Variants in NPPB observed in about 807,000 individuals in gnomAD.
NPPB encodes natriuretic peptide B, also known as natriuretic peptides B.
A neutral mutation model predicts 12.7 loss-of-function variants in NPPB; 13 were observed. The ratio of observed to expected loss-of-function variants is 1.03; its 90% CI spans 0.67 to 1.63. NPPB has a LOEUF of 1.63. NPPB is among the 40% of genes most tolerant of loss of function. The pLI is 0.00. For missense variants in NPPB, 184 were observed against 172.9 expected, an observed-to-expected ratio of 1.06 and a Z score of -0.36; for synonymous variants, 66 against 74.7, an observed-to-expected ratio of 0.88 and a Z score of 0.60.
rs1645135330 is a variant in NPPB, at chr1:11,858,624, T to A, written c.132+78A>T. ...TTTATCACTAATTCCAAAGGAAAGA[T>A]GAGGGCCTCTTGGGACAGCAGGTGA... On this transcript the variant is annotated intron_variant, in intron 1 of 2. Transcript: ENST00000376468. 5 of 1,606,644 alleles carry A rather than the reference T, an allele frequency of 3.1e-6. No homozygotes were observed. In the Admixed American group the frequency reaches 5.2e-5, roughly 17 times the overall value.
Position 11,857,542 on chromosome 1 carries a change from C to A in NPPB, c.*113G>T, listed in dbSNP as rs1460359181. The A allele has an allele frequency of 3.0e-6, 3 of 1,008,204 alleles. No individual in the cohort carries two copies. The highest frequency in any genetic ancestry group is 2.2e-4 in the Middle Eastern group (1 of 4,554). 62.5% of individuals were successfully genotyped at this position (1,008,204 alleles called of 1,614,324 possible). ...AAGAAACCATCTTATATAAAACAAT[C>A]AAATAAATACATAAATACATTAAAA... On this transcript the variant is annotated 3_prime_UTR_variant, in exon 3 of 3. Transcript: ENST00000376468.
At chr1:11,858,096 G>T in intron 2 of NPPB, 118 bp downstream of exon 2, 3 of 991,898 alleles carry the variant, frequency 3.0e-6, no homozygotes, top group Non-Finnish European at 4.5e-6. Flanking sequence ...AGGAAGCGAT[G>T]TCCAGGTGAC....
Position 11,858,694 on chromosome 1 carries a change from G to C in NPPB, c.132+8C>G. ...GTCCAATCCCCCTGAGCTGCCCTCCGCTCTCACCTGTAACCCGGACGTTTC... is the reference window on the plus strand; with the variant it reads ...GTCCAATCCCCCTGAGCTGCCCTCCCCTCTCACCTGTAACCCGGACGTTTC... On this transcript the variant is annotated splice_region_variant and intron_variant, in intron 1 of 2. Transcript: ENST00000376468. 2 of 1,614,114 alleles carry C rather than the reference G, an allele frequency of 1.2e-6. No individual in the cohort carries two copies. Among genetic ancestry groups the C allele is most frequent in the Non-Finnish European group, 1.7e-6 (2 of 1,180,022 alleles).
In NPPB at chr1:11,858,687, G is replaced by T; in HGVS notation, c.132+15C>A. 6.2e-7 allele frequency: 1 copy of T among 1,614,184 alleles called. No individual in the cohort carries two copies. Among genetic ancestry groups the T allele is most frequent in the Non-Finnish European group, 8.5e-7 (1 of 1,180,028 alleles). On this transcript the variant is annotated intron_variant, in intron 1 of 2. Transcript: ENST00000376468. ...TGCTGCTGTCCAATCCCCCTGAGCT[G>T]CCCTCCGCTCTCACCTGTAACCCGG...
rs192354362 is a variant in NPPB, at chr1:11,858,944, C to T, written c.-111G>A. On this transcript the variant is annotated 5_prime_UTR_variant, in exon 1 of 3. Transcript: ENST00000376468. ...GCCCTCAGCCTGCGGGGTGCTCCTC[C>T]TGGCTCCTCGGGACACCGTGGCCTT... The T allele has an allele frequency of 2.4e-5, 38 of 1,558,148 alleles. No homozygotes were observed. Among genetic ancestry groups the T allele is most frequent in the East Asian group, 2.1e-4 (9 of 43,160 alleles).
Position 11,858,830 on chromosome 1 carries a change from C to T in NPPB, c.4G>A (p.Asp2Asn), listed in dbSNP as rs753423994. ...GCCCGGGAAGGTGCTGTCTGGGGATCCATGTCTCTGGAGGGACTGCGGAGG... is the reference window on the plus strand; with the variant it reads ...GCCCGGGAAGGTGCTGTCTGGGGATTCATGTCTCTGGAGGGACTGCGGAGG... M[D>N]PQTAPSRALL... Residue 2 changes from aspartate to asparagine, a missense_variant, in exon 1 of 3, where the codon GAT (aspartate) becomes AAT (asparagine). By Grantham distance (23) the Asp-to-Asn change is conservative. Coordinates refer to ENST00000376468, the MANE Select transcript of NPPB (RefSeq NM_002521.3). 3 of 1,614,072 alleles carry T rather than the reference C, an allele frequency of 1.9e-6. No individual in the cohort carries two copies. In the South Asian group the frequency reaches 3.3e-5, roughly 18 times the overall value.
rs564298750 is a variant in NPPB at position 11,858,753 on chromosome 1, G to A, written c.81C>T (p.His27=). 1.2e-6 allele frequency: 2 copies of A among 1,614,220 alleles called. No homozygotes were observed. The highest frequency in any genetic ancestry group is 1.3e-5 in the African/African-American group (1 of 75,044). Residue 27 remains histidine, a synonymous_variant, in exon 1 of 3, where the codon CAC becomes CAT. Coordinates refer to ENST00000376468, the MANE Select transcript of NPPB (RefSeq NM_002521.3). ...LHLAFLGGRS[H]PLGSPGSASD... ...AGGCTGAACCGGGGCTGCCCAGCGG[G>A]TGGGAACGACCTCCCAGGAAAGCCA...
intron 2 of NPPB, 37 bp from the exon 3 acceptor site, chr1:11,857,708 T>G (rs762985070): frequency 5.0e-6 from 8 of 1,613,072 alleles, no homozygotes; most frequent in Non-Finnish European, 6.8e-6. Context: ...ATGGTTAGGG[T>G]GGGAGATGGA....
rs768381227 is a variant in NPPB at position 11,858,748 on chromosome 1, A to G, written c.86T>C (p.Leu29Pro). 1.2e-6 allele frequency: 2 copies of G among 1,614,130 alleles called. No individual in the cohort carries two copies. The highest frequency in any genetic ancestry group is 1.7e-5 in the Admixed American group (1 of 60,006). Reference protein sequence around the residue: ...LAFLGGRSHPLGSPGSASDLE... With the variant: ...LAFLGGRSHPPGSPGSASDLE... ...GTCCGAGGCTGAACCGGGGCTGCCC[A>G]GCGGGTGGGAACGACCTCCCAGGAA... Residue 29 changes from leucine to proline, a missense_variant, in exon 1 of 3, where the codon CTG becomes CCG. Leu to Pro is a moderately conservative substitution (Grantham distance 98, BLOSUM62 -3). Transcript: ENST00000376468.
At chr1:11,858,561 C>T (rs1645135041) in intron 1 of NPPB, 92 bp from the exon 2 acceptor site, 13 of 1,569,968 alleles carry the variant, frequency 8.3e-6, no homozygotes, top group Non-Finnish European at 9.5e-6. Flanking sequence ...GCCTTGGGTA[C>T]AGGGTCAGGG....
At chr1:11,857,899 G>A (rs1645130862) in intron 2 of NPPB, among the ~76,000 whole-genome samples, 1 of 152,222 alleles carries the variant, frequency 6.6e-6, no homozygotes. Flanking sequence ...AAACCAGGAG[G>A]AAATGTTTGG....
Position 11,857,505 on chromosome 1 carries a change from G to C in NPPB, c.*150C>G. The C allele has an allele frequency of 1.5e-6, 1 of 677,368 alleles. No individual in the cohort carries two copies. Among genetic ancestry groups the C allele is most frequent in the Non-Finnish European group, 2.6e-6 (1 of 390,430 alleles). The allele number at this position is 677,368 out of a possible 1,614,324, so 42.0% of individuals were successfully genotyped here. On this transcript the variant is annotated 3_prime_UTR_variant, in exon 3 of 3. Transcript: ENST00000376468. ...GACTTTATTTCACCGTGGAAATTTT[G>C]TGCTCAAAGGTAAGAAACCATCTTA...
chr1:11,857,887 G>T (rs904700401), intron 2 of NPPB, among the ~76,000 whole-genome samples: 6 of 152,148 alleles, frequency 3.9e-5, no homozygotes, highest in African/African-American at 1.4e-4. Flanking sequence ...ACAGTTTAGA[G>T]GAAACCAGGA....
At chr1:11,858,608 A>G (rs1645135248) in intron 1 of NPPB, 94 bp downstream of exon 1, 2 of 1,599,494 alleles carry the variant, frequency 1.3e-6, no homozygotes, top group Non-Finnish European at 1.7e-6. Flanking sequence ...CTTTATCACT[A>G]ATTCCAAAGG....
chr1:11,858,862 C>G lies in NPPB; in HGVS notation c.-29G>C, dbSNP rs1254349251. The G allele has an allele frequency of 7.5e-6, 12 of 1,608,882 alleles. No homozygotes were observed. The South Asian group carries it at 1.1e-4, about 15-fold the overall frequency. ...TCTGGAGGGACTGCGGAGGCTGCTG[C>G]TGCTGCTTCTGCTGCTGCTGCTGCT... On this transcript the variant is annotated 5_prime_UTR_variant, in exon 1 of 3. Transcript: ENST00000376468.
chr1:11,858,283 C>A lies in NPPB; in HGVS notation c.319G>T (p.Val107Leu), dbSNP rs747076329. ...TLRAPRSPKM[V>L]QGSGCFGRKM... ...CTCCCAAAGCAGCCAGACCCTTGCA[C>A]CATCTTGGGGCTTCGTGGTGCCCGC... Residue 107 changes from valine to leucine, a missense_variant, in exon 2 of 3, where the codon GTG (valine) becomes TTG (leucine). By Grantham distance (32) the Val-to-Leu change is conservative. Coordinates refer to ENST00000376468, the MANE Select transcript of NPPB (RefSeq NM_002521.3). 25 of 1,613,970 alleles carry A rather than the reference C, an allele frequency of 1.5e-5. 1 individual carries two copies. The highest frequency in any genetic ancestry group is 6.7e-5 in the East Asian group (3 of 44,888).
At position 11,857,577 on chromosome 1, in the gene NPPB, A is replaced by G; in HGVS notation, c.*78T>C. On this transcript the variant is annotated 3_prime_UTR_variant, in exon 3 of 3. Transcript: ENST00000376468. Reference sequence around the variant, plus strand: ...CATAAATACATTAAAAAAATGAGTCACTTCAAAGGCGGCCACAGGGTTGAG... The same window carrying G: ...CATAAATACATTAAAAAAATGAGTCGCTTCAAAGGCGGCCACAGGGTTGAG... 1.4e-6 allele frequency: 2 copies of G among 1,383,362 alleles called. No homozygotes were observed. The highest frequency in any genetic ancestry group is 1.0e-6 in the Non-Finnish European group (1 of 975,288). 85.7% of individuals were successfully genotyped at this position (1,383,362 alleles called of 1,614,324 possible).
At chr1:11,858,512 G>C (rs752516447) in intron 1 of NPPB, 43 bp from the exon 2 acceptor site, 2 of 1,538,406 alleles carry the variant, frequency 1.3e-6, no homozygotes, top group South Asian at 1.3e-5. Context: ...ACCCACCCCT[G>C]GGCTCACCAG....
chr1:11,858,144 C>A (rs201034837), intron 2 of NPPB, 70 bp downstream of exon 2: 1 of 1,427,398 alleles, frequency 7.0e-7, no homozygotes, highest in Non-Finnish European at 9.5e-7. Flanking sequence ...GACAACAAAC[C>A]CCAAAGTGAC....
Sources: gnomAD v4.1 joint callset for allele counts (sites outside exome capture counted in the v4.1 genomes callset) on GRCh38, gnomAD v4.1.1 for gene constraint, MANE v1.5 for transcripts, NCBI Gene and HGNC (gene_info 2026-07-23, HGNC 2026-07-21) for gene names.